AKAP6: variants seen among roughly 807,000 people sequenced by gnomAD.
AKAP6 encodes A-kinase anchor protein 6.
AKAP6 carries 58 observed loss-of-function variants against 188.5 expected under a neutral mutation model. The ratio of observed to expected loss-of-function variants is 0.31; its 90% CI spans 0.25 to 0.38. The LOEUF is 0.38. Among genes scored for constraint, AKAP6 ranks in the 10% least tolerant of loss-of-function variants. The probability of loss-of-function intolerance (pLI) is 1.00; values close to 1 mark genes in which losing one functional copy is unlikely to be tolerated. For missense variants in AKAP6, 2,710 were observed against 2,740.0 expected (o/e 0.99, Z 0.24); for synonymous variants, 989 against 998.6 (o/e 0.99, Z 0.18).
At position 32,823,972 on chromosome 14, in the gene AKAP6, T is replaced by C. The variant is rs142364710; in HGVS notation, c.6159T>C (p.Asp2053=). 1.2e-6 allele frequency: 2 copies of C among 1,613,816 alleles called. No individual in the cohort carries two copies. Among genetic ancestry groups the C allele is most frequent in the African/African-American group, 1.3e-5 (1 of 74,898 alleles). ...TTTTCCATCAAAAAGATGCCGAAGA[T>C]TGTTCAGTACACAACTTTGTTAAGG... ...PDVFHQKDAE[D]CSVHNFVKEI... Residue 2053 remains aspartate (D), a synonymous_variant, in exon 13 of 14, where the codon GAT becomes GAC. Transcript: ENST00000280979.
chr14:32,779,499 A>G (rs993874973), intron 12 of AKAP6, among the ~76,000 whole-genome samples: 4 of 152,052 alleles, frequency 2.6e-5, no homozygotes, highest in African/African-American at 9.7e-5. Flanking sequence ...ATATTAAGCT[A>G]ACACAAACAG....
At chr14:32,535,938 A>G (rs1882654509) in intron 3 of AKAP6, 133 bp downstream of exon 3, 12 of 1,334,522 alleles carry the variant, frequency 9.0e-6, no homozygotes, top group Non-Finnish European at 1.2e-5. Context: ...GAATCTAGGC[A>G]TAGTGACTAG....
chr14:32,508,733 T>C (rs1031685160), intron 2 of AKAP6, among the ~76,000 whole-genome samples: 22 of 152,218 alleles, frequency 1.4e-4, no homozygotes, highest in Admixed American at 3.3e-4. Context: ...AAATATAGAA[T>C]ATGATCTAGA....
At chr14:32,491,427 C>T (rs991330221) in intron 2 of AKAP6, among the ~76,000 whole-genome samples, 1 of 152,188 alleles carries the variant, frequency 6.6e-6, no homozygotes, top group Non-Finnish European at 1.5e-5. Context: ...ATACAAATCT[C>T]GCTCAAACTT....
At chr14:32,467,947 T>G (rs886436483) in intron 2 of AKAP6, among the ~76,000 whole-genome samples, 1 of 152,152 alleles carries the variant, frequency 6.6e-6, no homozygotes, top group Non-Finnish European at 1.5e-5. Context: ...TATTCCCTTT[T>G]CTCCCTAGTC....
chr14:32,628,432 G>T (rs1887115624), intron 7 of AKAP6, among the ~76,000 whole-genome samples: 1 of 150,970 alleles, frequency 6.6e-6, no homozygotes, highest in South Asian at 2.1e-4. Flanking sequence ...AATTTCAAGG[G>T]CCTCCACAGA....
At chr14:32,503,098 A>G (rs1440210834) in intron 2 of AKAP6, among the ~76,000 whole-genome samples, 1 of 152,022 alleles carries the variant, frequency 6.6e-6, no homozygotes, top group African/African-American at 2.4e-5. Context: ...TTCCCCATAG[A>G]TTGTGTTATG....
intron 1 of AKAP6, among the ~76,000 whole-genome samples, chr14:32,354,871 A>G (rs1384415271): frequency 6.6e-6 from 1 of 152,234 alleles, no homozygotes; most frequent in Non-Finnish European, 1.5e-5. Context: ...GCAGCATGCC[A>G]TCCCGGGGAG....
At chr14:32,813,712 A>G (rs2140123284) in intron 12 of AKAP6, among the ~76,000 whole-genome samples, 1 of 152,274 alleles carries the variant, frequency 6.6e-6, no homozygotes, top group East Asian at 1.9e-4. Flanking sequence ...GTGAACCTGA[A>G]GTTACAGTAA....
chr14:32,797,355 A>C (rs1230495409), intron 12 of AKAP6, among the ~76,000 whole-genome samples: 1 of 152,194 alleles, frequency 6.6e-6, no homozygotes, highest in Admixed American at 6.6e-5. Flanking sequence ...AAAGACATGG[A>C]ATCAACCTAA....
At chr14:32,486,833 G>C (rs1879720775) in intron 2 of AKAP6, among the ~76,000 whole-genome samples, 1 of 152,112 alleles carries the variant, frequency 6.6e-6, no homozygotes, top group South Asian at 2.1e-4. Flanking sequence ...GATTGCCCTG[G>C]CCAGAACTTC....
chr14:32,372,670 A>G (rs997521213), intron 1 of AKAP6, among the ~76,000 whole-genome samples: 2 of 152,014 alleles, frequency 1.3e-5, no homozygotes, highest in Non-Finnish European at 2.9e-5. Context: ...ATTTTTCTGA[A>G]AACACTAGTA....
chr14:32,806,489 C>T (rs886174370), intron 12 of AKAP6, among the ~76,000 whole-genome samples: 2 of 152,042 alleles, frequency 1.3e-5, no homozygotes, highest in African/African-American at 4.8e-5. Context: ...CCAGTCTGAG[C>T]AACATGGCAA....
At chr14:32,337,349 A>T (rs1478264836) in intron 1 of AKAP6, among the ~76,000 whole-genome samples, 1 of 152,182 alleles carries the variant, frequency 6.6e-6, no homozygotes, top group Non-Finnish European at 1.5e-5. Flanking sequence ...CTTGGCTAGT[A>T]GGAGCACACA....
intron 12 of AKAP6, among the ~76,000 whole-genome samples, chr14:32,798,899 C>T (rs146378824): frequency 1.3e-5 from 2 of 152,006 alleles, no homozygotes; most frequent in Non-Finnish European, 2.9e-5. Context: ...AAAATAATAC[C>T]TGCTTCATAG....
At chr14:32,681,213 C>G (rs760146162) in intron 8 of AKAP6, among the ~76,000 whole-genome samples, 3 of 152,064 alleles carry the variant, frequency 2.0e-5, no homozygotes, top group Non-Finnish European at 4.4e-5. Context: ...TTTCAGATAC[C>G]TTTTCCTATT....
chr14:32,591,763 T>C (rs1885497796), intron 5 of AKAP6, among the ~76,000 whole-genome samples: 1 of 152,184 alleles, frequency 6.6e-6, no homozygotes, highest in South Asian at 2.1e-4. Flanking sequence ...TTAAAGCTTC[T>C]GCTTTTATAC....
chr14:32,824,110 C>G lies in AKAP6; in HGVS notation c.6297C>G (p.His2099Gln). ...QIKEKVLEHS[H>Q]RPIQLRKGDF... ...AGGAGAAAGTGTTGGAGCATTCTCA[C>G]CGGCCCATCCAGCTGAGAAAAGGGG... Residue 2099 changes from histidine (H) to glutamine (Q), a missense_variant, in exon 13 of 14, where the codon CAC becomes CAG. By Grantham distance (24) the His-to-Gln change is conservative (BLOSUM62 0). Transcript: ENST00000280979. The G allele has an allele frequency of 2.5e-6, 4 of 1,613,960 alleles. No individual in the cohort carries two copies. The highest frequency in any genetic ancestry group is 3.4e-6 in the Non-Finnish European group (4 of 1,179,930).
At chr14:32,675,417 G>A (rs1047477813) in intron 7 of AKAP6, among the ~76,000 whole-genome samples, 1 of 152,152 alleles carries the variant, frequency 6.6e-6, no homozygotes, top group East Asian at 1.9e-4. Context: ...AGTATCCATT[G>A]TTATAGATGC....
Sources: gnomAD v4.1 joint callset for allele counts (sites outside exome capture counted in the v4.1 genomes callset) on GRCh38, gnomAD v4.1.1 for gene constraint, MANE v1.5 for transcripts, NCBI Gene and HGNC (gene_info 2026-07-23, HGNC 2026-07-21) for gene names.